PCBD2: variants seen among roughly 807,000 people sequenced by gnomAD.
PCBD2 encodes pterin-4-alpha-carbinolamine dehydratase 2.
PCBD2 carries 12 observed loss-of-function variants against 16.4 expected under a neutral mutation model. The observed-to-expected ratio is 0.73, with a 90% confidence interval of 0.47 to 1.19. The LOEUF (loss-of-function observed/expected upper bound fraction) is 1.19, where lower values mean the gene tolerates loss of function less well. Ranked by LOEUF, PCBD2 falls within the 50% of genes most tolerant of loss-of-function variation. The pLI, the probability that PCBD2 is intolerant of heterozygous loss-of-function variation, is 0.00. For synonymous variants in PCBD2, 58 were observed against 61.8 expected (o/e 0.94, Z 0.29); for missense variants, 138 against 156.8 (o/e 0.88, Z 0.64).
At chr5:134,927,213 A>T (rs1444476993) in intron 2 of PCBD2, 18 of 398,492 alleles carry the variant, frequency 4.5e-5, no homozygotes, top group South Asian at 1.3e-4. Context: ...TCGCAGGCAG[A>T]TGGAGCTTGT....
chr5:134,912,694 T>C (rs1750783347), intron 2 of PCBD2, among the ~76,000 whole-genome samples: 1 of 152,224 alleles, frequency 6.6e-6, no homozygotes, highest in African/African-American at 2.4e-5. Context: ...GTTCAGGTAT[T>C]GCAGAGTGGT....
At chr5:134,920,861 T>G (rs1265705768) in intron 2 of PCBD2, among the ~76,000 whole-genome samples, 1 of 152,254 alleles carries the variant, frequency 6.6e-6, no homozygotes, top group East Asian at 1.9e-4. Flanking sequence ...TTCACCAACA[T>G]GGCCAACATG....
At chr5:134,924,883 A>ATACTAGG in intron 2 of PCBD2, 1 of 390,508 alleles carries the variant, frequency 2.6e-6, no homozygotes, top group East Asian at 3.6e-5. Flanking sequence ...GTAAAATCCG[A>ATACTAGG]GTATATTAGA....
Position 134,927,952 on chromosome 5 carries a change from TG to T in PCBD2, c.216+17488del, listed in dbSNP as rs1027192373. 2.3e-5 allele frequency: 9 copies of T among 396,606 alleles called. No homozygotes were observed. The Admixed American group carries it at 4.0e-4, about 18-fold the overall frequency. 24.6% of individuals were successfully genotyped at this position (396,606 alleles called of 1,614,324 possible). On this transcript the variant is annotated intron_variant, in intron 2 of 3. Transcript: ENST00000254908. The stretch of plus-strand genomic sequence containing the variant: ...ATGGTGCTAATAATTAGGCTGTGAG[TG>T]GTTGTGTTGATTCAAATTATGTGTT...
intron 2 of PCBD2, among the ~76,000 whole-genome samples, chr5:134,935,451 T>C (rs1192582343): frequency 6.6e-6 from 1 of 152,230 alleles, no homozygotes; most frequent in Admixed American, 6.5e-5. Context: ...CCTGCAGTTA[T>C]AAAATTATTT....
At chr5:134,916,166 G>A (rs1036461200) in intron 2 of PCBD2, among the ~76,000 whole-genome samples, 1 of 152,116 alleles carries the variant, frequency 6.6e-6, no homozygotes, top group East Asian at 1.9e-4. Context: ...TGCACCTGTG[G>A]TCTCAGTTAC....
chr5:134,931,027 C>G (rs1408126246), intron 2 of PCBD2, among the ~76,000 whole-genome samples: 3 of 152,104 alleles, frequency 2.0e-5, no homozygotes, highest in South Asian at 4.2e-4. Context: ...ACGCCATTCT[C>G]CCACCTCAGC....
chr5:134,926,427 G>A (rs1750997557), intron 2 of PCBD2: 2 of 391,592 alleles, frequency 5.1e-6, no homozygotes, highest in African/African-American at 4.1e-5. Context: ...AGGAAGTTAG[G>A]GCTAGGGTGG....
At chr5:134,905,387 G>A (rs772074493) in intron 1 of PCBD2, 164 bp downstream of exon 1, 1 of 517,408 alleles carries the variant, frequency 1.9e-6, no homozygotes, top group East Asian at 3.8e-5. Flanking sequence ...CCACCTGTCC[G>A]GTGCGCCGCT....
intron 2 of PCBD2, among the ~76,000 whole-genome samples, chr5:134,952,094 A>C (rs1751364938): frequency 6.6e-6 from 1 of 151,620 alleles, no homozygotes; most frequent in South Asian, 2.1e-4. Flanking sequence ...TGCCATTTTA[A>C]ATGATATCTT....
At chr5:134,949,785 T>C (rs1751339038) in intron 2 of PCBD2, among the ~76,000 whole-genome samples, 1 of 152,236 alleles carries the variant, frequency 6.6e-6, no homozygotes, top group South Asian at 2.1e-4. Flanking sequence ...TAGACAGTGT[T>C]TATGTGATTG....
rs1439821139 is a variant in PCBD2, at chr5:134,961,295, T to C, written c.*614T>C. On this transcript the variant is annotated 3_prime_UTR_variant, in exon 4 of 4. Coordinates refer to ENST00000254908, the MANE Select transcript of PCBD2 (RefSeq NM_032151.5). ...ATATTCAGAAAGAGAAGTGGCTTTTTTTTTTTTTTGAGACGGAGTCTTGCT... is the reference window on the plus strand; with the variant it reads ...ATATTCAGAAAGAGAAGTGGCTTTTCTTTTTTTTTGAGACGGAGTCTTGCT... 6.6e-6 allele frequency: 1 copy of C among 151,804 alleles called. No homozygotes were observed. Among genetic ancestry groups the C allele is most frequent in the African/African-American group, 2.4e-5 (1 of 41,318 alleles). The allele number at this position is 151,804 out of a possible 1,614,324, so 9.4% of individuals were successfully genotyped here. A position where few individuals can be genotyped will look rare whatever the true frequency, so the allele number is the denominator to read the frequency against.
chr5:134,924,950 G>C, intron 2 of PCBD2: 1 of 392,142 alleles, frequency 2.6e-6, no homozygotes, highest in Non-Finnish European at 4.5e-6. Context: ...AGGTAGTTGA[G>C]ATCTAGGGCT....
rs377086305 is a variant in PCBD2, at chr5:134,960,697, A to G, written c.*16A>G. 1.3e-4 allele frequency: 207 copies of G among 1,573,306 alleles called. No homozygotes were observed. The highest frequency in any genetic ancestry group is 1.1e-4 in the Non-Finnish European group (130 of 1,144,478). On this transcript the variant is annotated 3_prime_UTR_variant, in exon 4 of 4. Transcript: ENST00000254908. ...TTCTGTGTGATTTCTTCCAAAATAC[A>G]TGTAAAATCTTGTACACATCTTAGC...
chr5:134,956,122 AG>A (rs942974147), intron 2 of PCBD2, among the ~76,000 whole-genome samples: 1 of 152,206 alleles, frequency 6.6e-6, no homozygotes, highest in African/African-American at 2.4e-5. Flanking sequence ...TTTTGCTTCC[AG>A]AGCAGATTAT....
intron 1 of PCBD2, among the ~76,000 whole-genome samples, chr5:134,905,911 C>T (rs978339134): frequency 1.3e-5 from 2 of 152,168 alleles, no homozygotes; most frequent in African/African-American, 4.8e-5. Flanking sequence ...CTCGCTGTAT[C>T]GCCGAGCCCG....
Position 134,921,759 on chromosome 5 carries a change from C to G in PCBD2, c.216+11293C>G, listed in dbSNP as rs76592204. 7.9e-3 allele frequency among the ~76,000 whole-genome samples: 1,204 copies of G among 152,294 alleles called. 10 individuals carry two copies. Among genetic ancestry groups the G allele is most frequent in the Non-Finnish European group, 0.013 (874 of 68,036 alleles). On this transcript the variant is annotated intron_variant, in intron 2 of 3. Coordinates refer to ENST00000254908, the MANE Select transcript of PCBD2 (RefSeq NM_032151.5). ...GAACTGGTCAGTCGTCCTGTAGTGCCTTTCACAGGACTGTGCTGCTGGCCT... is the reference window on the plus strand; with the variant it reads ...GAACTGGTCAGTCGTCCTGTAGTGCGTTTCACAGGACTGTGCTGCTGGCCT...
chr5:134,922,550 C>T (rs967562541), intron 2 of PCBD2, among the ~76,000 whole-genome samples: 1 of 152,064 alleles, frequency 6.6e-6, no homozygotes. Flanking sequence ...TTAACAAAGC[C>T]GATACTGTCC....
chr5:134,906,670 C>T (rs1190872011), intron 1 of PCBD2, among the ~76,000 whole-genome samples: 1 of 152,072 alleles, frequency 6.6e-6, no homozygotes, highest in Non-Finnish European at 1.5e-5. Flanking sequence ...ATGATTTGAG[C>T]GCTGCCCCAT....
Sources: gnomAD v4.1 joint callset for allele counts (sites outside exome capture counted in the v4.1 genomes callset) on GRCh38, gnomAD v4.1.1 for gene constraint, MANE v1.5 for transcripts, NCBI Gene and HGNC (gene_info 2026-07-23, HGNC 2026-07-21) for gene names.